CAMTA1: variants seen among roughly 807,000 people sequenced by gnomAD.
CAMTA1 encodes calmodulin binding transcription activator 1, also known as calmodulin-binding transcription activator 1.
Under a neutral mutation model 170.9 loss-of-function variants are expected in CAMTA1, and 27 were observed. The observed-to-expected ratio is 0.16, with a 90% confidence interval of 0.12 to 0.22. The LOEUF is 0.22. Ranked by LOEUF, CAMTA1 falls within the 10% of genes least tolerant of loss-of-function variation. The pLI is 1.00. For synonymous variants in CAMTA1, 833 were observed against 891.5 expected, an observed-to-expected ratio of 0.93 and a Z score of 1.17; for missense variants, 1,619 against 2,217.2, an observed-to-expected ratio of 0.73 and a Z score of 5.42.
rs986403163 is a variant in CAMTA1 at position 7,768,633 on chromosome 1, G to C, written c.*2142G>C. ...ATTACTTCCTTTCACTGCCAACCTCGAATTACTGTACAGTATATGTCTTTC... is the reference window on the plus strand; with the variant it reads ...ATTACTTCCTTTCACTGCCAACCTCCAATTACTGTACAGTATATGTCTTTC... On this transcript the variant is annotated 3_prime_UTR_variant, in exon 23 of 23. Transcript: ENST00000303635. The C allele has an allele frequency of 2.6e-5, 4 of 152,510 alleles. No homozygotes were observed. Among genetic ancestry groups the C allele is most frequent in the African/African-American group, 9.7e-5 (4 of 41,348 alleles). 9.4% of individuals were successfully genotyped at this position (152,510 alleles called of 1,614,324 possible). A position where few individuals can be genotyped will look rare whatever the true frequency, so the allele number is the denominator to read the frequency against.
In CAMTA1 at chr1:7,534,567, C is replaced by T. The variant is rs537069954; in HGVS notation, c.510+66666C>T. Among the ~76,000 whole-genome samples, 8 of 152,340 alleles carry T rather than the reference C, an allele frequency of 5.3e-5. No homozygotes were observed. In the South Asian group the frequency reaches 1.2e-3, roughly 24 times the overall value. On this transcript the variant is annotated intron_variant, in intron 6 of 22. Coordinates refer to ENST00000303635, the MANE Select transcript of CAMTA1 (RefSeq NM_015215.4). This position sits in a 1 kb window ranked among gnomAD's most constrained non-coding sequence, Gnocchi z 5.6. Reference sequence around the variant, plus strand: ...TGGCACTACCTGCTCCCCACCTCCCCGGCCAGCCCACACCCTCTGTCTTTG... The same window carrying T: ...TGGCACTACCTGCTCCCCACCTCCCTGGCCAGCCCACACCCTCTGTCTTTG...
chr1:7,174,371 CA>C (rs1282784330), intron 4 of CAMTA1, among the ~76,000 whole-genome samples: 1 of 152,208 alleles, frequency 6.6e-6, no homozygotes, highest in East Asian at 1.9e-4. Context: ...TCCAAGTAAA[CA>C]GCCACAATGG....
Position 7,144,098 on chromosome 1 carries a change from A to T in CAMTA1, c.302+52727A>T, listed in dbSNP as rs567175476. Among the ~76,000 whole-genome samples the T allele has an allele frequency of 4.3e-4, 65 of 152,296 alleles. No individual in the cohort carries two copies. The highest frequency in any genetic ancestry group is 1.5e-3 in the African/African-American group (61 of 41,558). On this transcript the variant is annotated intron_variant, in intron 4 of 22. Transcript: ENST00000303635. This position sits in a 1 kb window ranked among gnomAD's most constrained non-coding sequence, Gnocchi z 4.0. ...ATACCACAGACTGGGTGGCTTAAAC[A>T]ACAGACATTTATTTTCTTATGTTCT... is the stretch of plus-strand genomic sequence containing the variant.
chr1:6,850,013 C>T (rs1223951851), intron 3 of CAMTA1, among the ~76,000 whole-genome samples: 1 of 139,180 alleles, frequency 7.2e-6, no homozygotes, highest in Admixed American at 7.7e-5. Context: ...CCAACCTGGG[C>T]GACAGAGCAA....
intron 3 of CAMTA1, among the ~76,000 whole-genome samples, chr1:6,855,521 G>C (rs1423423524): frequency 1.3e-5 from 2 of 151,822 alleles, no homozygotes; most frequent in African/African-American, 4.8e-5. Flanking sequence ...GATCTCCTGA[G>C]AACTCAATCA....
chr1:7,408,493 C>T (rs1160162382), intron 5 of CAMTA1, among the ~76,000 whole-genome samples: 2 of 152,186 alleles, frequency 1.3e-5, no homozygotes, highest in Non-Finnish European at 2.9e-5. Flanking sequence ...GTCTCTATGT[C>T]CTGAGCCGCT....
intron 4 of CAMTA1, among the ~76,000 whole-genome samples, chr1:7,226,910 G>T (rs1012127952): frequency 2.6e-5 from 4 of 151,980 alleles, no homozygotes; most frequent in Non-Finnish European, 5.9e-5. Context: ...TCGGCTCACT[G>T]CAAGCTCCGC....
chr1:6,859,314 G>T (rs773813476), intron 3 of CAMTA1, among the ~76,000 whole-genome samples: 2 of 152,156 alleles, frequency 1.3e-5, no homozygotes, highest in Non-Finnish European at 2.9e-5. Context: ...GTCAGTGCCT[G>T]TGTGTGGGTA....
At chr1:6,912,735 A>G (rs1024587054) in intron 3 of CAMTA1, among the ~76,000 whole-genome samples, 2 of 152,080 alleles carry the variant, frequency 1.3e-5, no homozygotes, top group Non-Finnish European at 2.9e-5. Context: ...AGACTACCCC[A>G]GTTCACAGGG....
chr1:7,149,270 A>G (rs1323637244), intron 4 of CAMTA1, among the ~76,000 whole-genome samples: 1 of 152,126 alleles, frequency 6.6e-6, no homozygotes, highest in South Asian at 2.1e-4. Context: ...TTTGCTTCTG[A>G]GCACATGGGC....
intron 3 of CAMTA1, among the ~76,000 whole-genome samples, chr1:6,851,682 C>T (rs1326648518): frequency 2.0e-5 from 3 of 152,120 alleles, no homozygotes; most frequent in Non-Finnish European, 2.9e-5. Context: ...AGTTTGAGAT[C>T]AGCCTAGCCA....
chr1:7,339,111 G>T (rs181571980), intron 5 of CAMTA1, among the ~76,000 whole-genome samples: 1 of 152,164 alleles, frequency 6.6e-6, no homozygotes, highest in African/African-American at 2.4e-5. Context: ...CAACATTGGG[G>T]ATTACAATTT....
chr1:7,103,347 C>G (rs1037251751), intron 4 of CAMTA1, among the ~76,000 whole-genome samples: 1 of 151,872 alleles, frequency 6.6e-6, no homozygotes, highest in Non-Finnish European at 1.5e-5. Flanking sequence ...CAACTACACA[C>G]ATGCACACAC....
intron 3 of CAMTA1, among the ~76,000 whole-genome samples, chr1:6,864,092 C>T (rs1665751776): frequency 6.6e-6 from 1 of 152,190 alleles, no homozygotes; most frequent in Non-Finnish European, 1.5e-5. Flanking sequence ...GGTACCTGCT[C>T]TCAACATGAT....
intron 4 of CAMTA1, among the ~76,000 whole-genome samples, chr1:7,232,606 G>A (rs565939613): frequency 2.0e-5 from 3 of 152,122 alleles, no homozygotes; most frequent in Admixed American, 6.5e-5. Flanking sequence ...CTCTGTTCCC[G>A]GTGCCTACCA....
intron 5 of CAMTA1, among the ~76,000 whole-genome samples, chr1:7,439,432 G>A (rs1049355471): frequency 4.6e-5 from 7 of 152,128 alleles, no homozygotes; most frequent in Non-Finnish European, 8.8e-5. Context: ...CCTGAAGCAC[G>A]TCTCCCGGTC....
chr1:7,079,662 TG>T (rs1319000438), intron 3 of CAMTA1, among the ~76,000 whole-genome samples: 1 of 150,876 alleles, frequency 6.6e-6, no homozygotes, highest in African/African-American at 2.4e-5. Flanking sequence ...TAAGTAGAAA[TG>T]GGTTTCACCA....
intron 19 of CAMTA1, 134 bp downstream of exon 19, chr1:7,747,915 T>A (rs907875398): frequency 1.7e-6 from 1 of 573,236 alleles, no homozygotes; most frequent in Non-Finnish European, 3.0e-6. Flanking sequence ...TGTTTTTTTT[T>A]TTTTATTTTT....
chr1:7,344,830 C>T (rs1184467908), intron 5 of CAMTA1, among the ~76,000 whole-genome samples: 1 of 151,396 alleles, frequency 6.6e-6, no homozygotes, highest in African/African-American at 2.4e-5. Context: ...TCACTGCAAG[C>T]TCTGCCTCCT....
Sources: allele counts gnomAD v4.1 joint callset (sites outside exome capture counted in the v4.1 genomes callset), GRCh38; gene constraint gnomAD v4.1.1; non-coding constraint Gnocchi (gnomAD v3.1); transcripts MANE v1.5; gene names NCBI Gene and HGNC (gene_info 2026-07-23, HGNC 2026-07-21).